COL23A1: variants seen among roughly 807,000 people sequenced by gnomAD.
COL23A1 encodes collagen alpha-1(XXIII) chain.
Under a neutral mutation model 99.3 loss-of-function variants are expected in COL23A1, and 97 were observed. The observed-to-expected ratio is 0.98, with a 90% CI of 0.83 to 1.16. The LOEUF is 1.16. Ranked by LOEUF, COL23A1 falls within the 50% of genes most tolerant of loss-of-function variation. The pLI is 0.00. For synonymous variants in COL23A1, 320 were observed against 308.2 expected (o/e 1.04, Z -0.40); for missense variants, 762 against 757.4 (o/e 1.01, Z -0.07).
At chr5:178,246,054 CCA>C in intron 24 of COL23A1, 86 bp from the exon 25 acceptor site, 2 of 1,510,892 alleles carry the variant, frequency 1.3e-6, no homozygotes, top group Non-Finnish European at 1.8e-6. Context: ...TGTGGGTTGG[CCA>C]CAGACATGGG....
rs538716742 is a variant in COL23A1 at position 178,315,126 on chromosome 5, G to A, written c.362-8207C>T. 1.8e-4 allele frequency among the ~76,000 whole-genome samples: 27 copies of A among 152,294 alleles called. 1 individual carries two copies. Among genetic ancestry groups the A allele is most frequent in the Non-Finnish European group, 3.5e-4 (24 of 68,034 alleles). On this transcript the variant is annotated intron_variant, in intron 2 of 28. Coordinates refer to ENST00000390654, the MANE Select transcript of COL23A1 (RefSeq NM_173465.4). Reference sequence around the variant, plus strand: ...CATCCAAAATGCCTGCAGTTTCTGGGCTGGTTCCTCTCCCTGAGTTAGGAG... The same window carrying A: ...CATCCAAAATGCCTGCAGTTTCTGGACTGGTTCCTCTCCCTGAGTTAGGAG...
chr5:178,359,350 T>A (rs57585321), intron 2 of COL23A1, among the ~76,000 whole-genome samples: 10,729 of 152,162 alleles, frequency 0.071, 662 homozygotes, highest in African/African-American at 0.16. Context: ...AATGGTGACA[T>A]CCCGTTTCTA....
intron 2 of COL23A1, among the ~76,000 whole-genome samples, chr5:178,354,418 T>C (rs1761507528): frequency 6.6e-6 from 1 of 152,048 alleles, no homozygotes. Context: ...TCATGTGATA[T>C]GGTTTGGATC....
chr5:178,278,502 G>A (rs572401235), intron 5 of COL23A1, among the ~76,000 whole-genome samples: 176 of 152,314 alleles, frequency 1.2e-3, no homozygotes, highest in African/African-American at 4.0e-3. Context: ...CGGGTGCCCC[G>A]ATTCACCCCA....
At chr5:178,498,095 G>A (rs1048486305) in intron 2 of COL23A1, among the ~76,000 whole-genome samples, 10 of 149,932 alleles carry the variant, frequency 6.7e-5, no homozygotes, top group Non-Finnish European at 1.0e-4. Context: ...CTCTGGGTGC[G>A]GTGGCTCACA....
Position 178,246,309 on chromosome 5 carries a change from T to G in COL23A1, c.1360-2A>C. The G allele has an allele frequency of 1.3e-6, 2 of 1,556,756 alleles. No homozygotes were observed. Among genetic ancestry groups the G allele is most frequent in the East Asian group, 2.4e-5 (1 of 41,724 alleles). ...AAGGCCCGGTGGGCCAACTGGCCCC[T>G]GGATAGAAAAGGAATGAGTCAAGAG... On this transcript the variant is annotated splice_acceptor_variant, in intron 23 of 28. Transcript: ENST00000390654. LOFTEE classifies it high-confidence loss of function.
chr5:178,462,894 T>C (rs1756200370), intron 2 of COL23A1, among the ~76,000 whole-genome samples: 1 of 152,208 alleles, frequency 6.6e-6, no homozygotes, highest in Non-Finnish European at 1.5e-5. Context: ...GGTGAAAATT[T>C]ACGGACAGCA....
chr5:178,521,836 A>G (rs1442841062), intron 2 of COL23A1, among the ~76,000 whole-genome samples: 1 of 152,194 alleles, frequency 6.6e-6, no homozygotes, highest in African/African-American at 2.4e-5. Context: ...AGAAGTTACC[A>G]GTGGCTGGGG....
At chr5:178,303,500 T>A (rs1027410596) in intron 3 of COL23A1, among the ~76,000 whole-genome samples, 2 of 152,250 alleles carry the variant, frequency 1.3e-5, no homozygotes, top group Admixed American at 6.5e-5. Context: ...GAGAAGATCT[T>A]TAGAAGTCCT....
chr5:178,452,600 A>G (rs1304679741), intron 2 of COL23A1, among the ~76,000 whole-genome samples: 1 of 152,238 alleles, frequency 6.6e-6, no homozygotes, highest in Non-Finnish European at 1.5e-5. Context: ...AACAGAGCTT[A>G]TTTCTGTAAT....
At chr5:178,371,466 G>A (rs921936162) in intron 2 of COL23A1, among the ~76,000 whole-genome samples, 1 of 152,186 alleles carries the variant, frequency 6.6e-6, no homozygotes, top group Non-Finnish European at 1.5e-5. Flanking sequence ...TTCCAGCTGA[G>A]ACTCCGCCAG....
chr5:178,247,634 T>C, intron 21 of COL23A1, 82 bp from the exon 22 acceptor site: 1 of 1,591,060 alleles, frequency 6.3e-7, no homozygotes, highest in Non-Finnish European at 8.6e-7. Flanking sequence ...GGCCCTGTCC[T>C]GGGCTCTGCC....
chr5:178,406,262 T>C (rs1375499923), intron 2 of COL23A1, among the ~76,000 whole-genome samples: 1 of 152,028 alleles, frequency 6.6e-6, no homozygotes, highest in African/African-American at 2.4e-5. Context: ...AAGATGTATA[T>C]GAAGGAAGCT....
At chr5:178,332,745 A>G (rs1760100747) in intron 2 of COL23A1, among the ~76,000 whole-genome samples, 1 of 151,930 alleles carries the variant, frequency 6.6e-6, no homozygotes, top group South Asian at 2.1e-4. Flanking sequence ...CCCATGGTAA[A>G]TGGTGATCGA....
At position 178,310,643 on chromosome 5, in the gene COL23A1, C is replaced by T. The variant is rs1293667076; in HGVS notation, c.362-3724G>A. Among the ~76,000 whole-genome samples the T allele has an allele frequency of 1.3e-5, 2 of 152,088 alleles. No individual in the cohort carries two copies. The highest frequency in any genetic ancestry group is 2.4e-5 in the African/African-American group (1 of 41,422). ...TGAGCTACCGGGCAGGCGGCCTTGGCGACCAGGGAGGCTGTTCCTCTGGGG... is the reference window on the plus strand; with the variant it reads ...TGAGCTACCGGGCAGGCGGCCTTGGTGACCAGGGAGGCTGTTCCTCTGGGG... On this transcript the variant is annotated intron_variant, in intron 2 of 28. Coordinates refer to ENST00000390654, the MANE Select transcript of COL23A1 (RefSeq NM_173465.4). This position sits in a 1 kb window ranked among gnomAD's most constrained non-coding sequence, Gnocchi z 4.3.
At chr5:178,457,339 G>A (rs972928028) in intron 2 of COL23A1, among the ~76,000 whole-genome samples, 2 of 151,954 alleles carry the variant, frequency 1.3e-5, no homozygotes, top group African/African-American at 2.4e-5. Flanking sequence ...TCAGCCTCCC[G>A]AGTAGCTGGG....
intron 5 of COL23A1, among the ~76,000 whole-genome samples, chr5:178,275,958 C>A (rs62390178): frequency 1.3e-5 from 2 of 152,172 alleles, no homozygotes; most frequent in Non-Finnish European, 2.9e-5. Context: ...GGGTGCCCTG[C>A]AATCATTAAA....
At chr5:178,427,176 A>G (rs1334492109) in intron 2 of COL23A1, among the ~76,000 whole-genome samples, 4 of 152,176 alleles carry the variant, frequency 2.6e-5, no homozygotes. Context: ...CTGGGCGACA[A>G]GAGCAAAACT....
chr5:178,241,978 A>G, intron 27 of COL23A1, 64 bp downstream of exon 27: 1 of 1,259,002 alleles, frequency 7.9e-7, no homozygotes, highest in Non-Finnish European at 1.1e-6. Flanking sequence ...GACAGGGAAG[A>G]TGTTGGGCTG....
Sources: gnomAD v4.1 joint callset for allele counts (sites outside exome capture counted in the v4.1 genomes callset) on GRCh38, gnomAD v4.1.1 for gene constraint, Gnocchi (gnomAD v3.1) non-coding constraint, MANE v1.5 for transcripts, NCBI Gene and HGNC (gene_info 2026-07-23, HGNC 2026-07-21) for gene names.